Variants in SLC35D1 observed in about 807,000 individuals in gnomAD.
SLC35D1 encodes the protein solute carrier family 35 member D1.
Under a neutral mutation model 46.7 loss-of-function variants are expected in SLC35D1, and 31 were observed. The ratio of observed to expected loss-of-function variants is 0.66; its 90% CI spans 0.50 to 0.90. The LOEUF (loss-of-function observed/expected upper bound fraction) is 0.90. SLC35D1 is among the 40% of genes least tolerant of loss of function. SLC35D1 has a pLI of 0.00. For missense variants in SLC35D1, 397 were observed against 426.2 expected (o/e 0.93, Z 0.60); for synonymous variants, 195 against 164.6 (o/e 1.18, Z -1.41).
intron 11 of SLC35D1, among the ~76,000 whole-genome samples, chr1:67,005,296 C>T (rs1303267901): frequency 6.6e-6 from 1 of 152,156 alleles, no homozygotes; most frequent in African/African-American, 2.4e-5. Context: ...TTCTGCCTAA[C>T]CACTTGACTC....
intron 8 of SLC35D1, among the ~76,000 whole-genome samples, chr1:67,038,107 A>G (rs556651492): frequency 6.6e-6 from 1 of 152,348 alleles, no homozygotes; most frequent in East Asian, 1.9e-4. Flanking sequence ...ATTCATAACT[A>G]AAGAATAATT....
Position 67,052,866 on chromosome 1 carries a change from A to G in SLC35D1, c.238-9T>C. The G allele has an allele frequency of 6.2e-7, 1 of 1,614,124 alleles. No individual in the cohort carries two copies. Among genetic ancestry groups the G allele is most frequent in the Non-Finnish European group, 8.5e-7 (1 of 1,179,958 alleles). On this transcript the variant is annotated splice_polypyrimidine_tract_variant and intron_variant, in intron 2 of 11. Coordinates refer to ENST00000235345, the MANE Select transcript of SLC35D1 (RefSeq NM_015139.3). ...GCCACTGTGGCCACCATCTGTAAAC[A>G]AGAGAACACAGATTCACTGTTCTAC...
downstream of SLC35D1, among the ~76,000 whole-genome samples, chr1:66,998,735 C>A (rs1667272198): frequency 6.6e-6 from 1 of 152,092 alleles, no homozygotes; most frequent in African/African-American, 2.4e-5. Flanking sequence ...AATAAGCCAG[C>A]CACAAAAAGA....
chr1:67,028,870 G>A (rs1667965779), intron 8 of SLC35D1, among the ~76,000 whole-genome samples: 1 of 151,918 alleles, frequency 6.6e-6, no homozygotes, highest in African/African-American at 2.4e-5. Context: ...TTTCAATTCA[G>A]ATATTTTTCA....
chr1:67,039,901 A>C (rs1040394597), intron 8 of SLC35D1, among the ~76,000 whole-genome samples: 3 of 152,174 alleles, frequency 2.0e-5, no homozygotes, highest in African/African-American at 7.2e-5. Flanking sequence ...GGATTTATCC[A>C]AAGTCAGATG....
At position 67,032,383 on chromosome 1, in the gene SLC35D1, T is replaced by C. The variant is rs148159978; in HGVS notation, c.729+9853A>G. On this transcript the variant is annotated intron_variant, in intron 8 of 11. Transcript: ENST00000235345. ...TATTTTGATACAGGCATGCAATGTG[T>C]AATAATCACATCATGGGCTGGGCTC... is the stretch of plus-strand genomic sequence containing the variant. 4.4e-3 allele frequency among the ~76,000 whole-genome samples: 670 copies of C among 152,128 alleles called. 6 individuals carry two copies. Among genetic ancestry groups the C allele is most frequent in the African/African-American group, 0.015 (638 of 41,508 alleles).
At chr1:67,038,267 C>A (rs937043271) in intron 8 of SLC35D1, among the ~76,000 whole-genome samples, 2 of 152,166 alleles carry the variant, frequency 1.3e-5, no homozygotes, top group Non-Finnish European at 2.9e-5. Context: ...TCTAAACAGG[C>A]TAACTTAACA....
At position 67,000,532 on chromosome 1, in the gene SLC35D1, G is replaced by A. The variant is rs936714937; in HGVS notation, c.*3808C>T. 1.3e-5 allele frequency: 2 copies of A among 152,198 alleles called. No homozygotes were observed. Among genetic ancestry groups the A allele is most frequent in the Admixed American group, 1.3e-4 (2 of 15,268 alleles). 9.4% of individuals were successfully genotyped at this position (152,198 alleles called of 1,614,324 possible). ...TGAGACACAGAGTCCTGTTTTTCAGGACAGACCGTATTGCCCAAGCCTCTA... is the reference window on the plus strand; with the variant it reads ...TGAGACACAGAGTCCTGTTTTTCAGAACAGACCGTATTGCCCAAGCCTCTA... On this transcript the variant is annotated 3_prime_UTR_variant, in exon 12 of 12. Coordinates refer to ENST00000235345, the MANE Select transcript of SLC35D1 (RefSeq NM_015139.3).
At chr1:67,005,187 C>T (rs1483266113) in intron 11 of SLC35D1, among the ~76,000 whole-genome samples, 1 of 152,202 alleles carries the variant, frequency 6.6e-6, no homozygotes, top group Non-Finnish European at 1.5e-5. Context: ...TCCTCCCTGG[C>T]TCTTCCACTG....
chr1:67,045,920 A>C (rs1473613387), intron 7 of SLC35D1, among the ~76,000 whole-genome samples: 2 of 152,188 alleles, frequency 1.3e-5, no homozygotes, highest in Non-Finnish European at 2.9e-5. Context: ...AATAGTATCT[A>C]TTTTCCAAAG....
chr1:67,044,912 T>C (rs1210772566), intron 7 of SLC35D1, among the ~76,000 whole-genome samples: 5 of 152,156 alleles, frequency 3.3e-5, no homozygotes, highest in African/African-American at 1.2e-4. Flanking sequence ...ACTCCGGATG[T>C]ATTAAAAAGC....
chr1:66,985,753 G>T, the SLC35D1 span: 3 of 967,558 alleles, frequency 3.1e-6, no homozygotes, highest in Non-Finnish European at 3.7e-6. Flanking sequence ...TTAAGTGTTT[G>T]TGTAGTAATT....
chr1:66,976,450 C>T, the SLC35D1 span: 1 of 554,504 alleles, frequency 1.8e-6, no homozygotes, highest in Non-Finnish European at 2.9e-6. Flanking sequence ...TAGCTTTCAA[C>T]ATAGCTGCTA....
chr1:67,005,432 C>G (rs536009739), intron 11 of SLC35D1, among the ~76,000 whole-genome samples: 1 of 152,322 alleles, frequency 6.6e-6, no homozygotes, highest in African/African-American at 2.4e-5. Context: ...GGATCAGGCA[C>G]TGGCGCTTGT....
chr1:67,047,426 T>C, intron 6 of SLC35D1, 59 bp from the exon 7 acceptor site: 3 of 1,351,856 alleles, frequency 2.2e-6, no homozygotes, highest in East Asian at 2.3e-5. Context: ...TAATTTTAAA[T>C]AGATATAAGC....
At chr1:67,013,132 ATAATT>A (rs1667600645) in intron 10 of SLC35D1, among the ~76,000 whole-genome samples, 6 of 146,160 alleles carry the variant, frequency 4.1e-5, no homozygotes, top group Admixed American at 4.1e-4. Context: ...ACATGCATAT[ATAATT>A]TAAGAACATA....
chr1:66,990,099 CAG>C, the SLC35D1 span, among the ~76,000 whole-genome samples: 1 of 152,158 alleles, frequency 6.6e-6, no homozygotes, highest in African/African-American at 2.4e-5. Context: ...TTGTACATGA[CAG>C]AAATTTACTT....
chr1:67,000,811 G>A lies in SLC35D1; in HGVS notation c.*3529C>T, dbSNP rs1006684645. On this transcript the variant is annotated 3_prime_UTR_variant, in exon 12 of 12. Transcript: ENST00000235345. ...TGTACAGTAGAGGAGGAGGCCTCAA[G>A]CTACTTACAGAATTCTAAGAGCTGT... 1.3e-5 allele frequency: 2 copies of A among 152,308 alleles called. No homozygotes were observed. The highest frequency in any genetic ancestry group is 6.5e-5 in the Admixed American group (1 of 15,282). 9.4% of individuals were successfully genotyped at this position (152,308 alleles called of 1,614,324 possible). A position where few individuals can be genotyped will look rare whatever the true frequency, so the allele number is the denominator to read the frequency against.
the SLC35D1 span, among the ~76,000 whole-genome samples, chr1:66,982,470 T>A: frequency 3.9e-5 from 6 of 152,290 alleles, no homozygotes; most frequent in Admixed American, 3.9e-4. Flanking sequence ...TTGTTTGAGG[T>A]TCAGATAGTG....
Sources: gnomAD v4.1 joint callset for allele counts (sites outside exome capture counted in the v4.1 genomes callset) on GRCh38, gnomAD v4.1.1 for gene constraint, MANE v1.5 for transcripts, NCBI Gene and HGNC (gene_info 2026-07-23, HGNC 2026-07-21) for gene names.